Variants in UCHL5 observed in about 807,000 individuals in gnomAD.
The protein encoded by UCHL5 is ubiquitin carboxyl-terminal hydrolase isozyme L5.
A neutral mutation model predicts 53.8 loss-of-function variants in UCHL5; 34 were observed. That is an observed-to-expected ratio of 0.63 (90% CI 0.48 to 0.84). UCHL5 has a LOEUF of 0.84. UCHL5 is among the 40% of genes least tolerant of loss of function. UCHL5 has a pLI of 0.00. For missense variants in UCHL5, 290 were observed against 385.6 expected (o/e 0.75, Z 2.08); for synonymous variants, 111 against 126.3 (o/e 0.88, Z 0.81).
At chr1:193,025,220 T>C (rs1658714418) in intron 7 of UCHL5, among the ~76,000 whole-genome samples, 1 of 152,224 alleles carries the variant, frequency 6.6e-6, no homozygotes, top group African/African-American at 2.4e-5. Flanking sequence ...AGAAAACTTT[T>C]AGACAATAAT....
intron 3 of UCHL5, among the ~76,000 whole-genome samples, chr1:193,033,188 T>C (rs1327911502): frequency 6.6e-6 from 1 of 152,166 alleles, no homozygotes; most frequent in Non-Finnish European, 1.5e-5. Flanking sequence ...CATGGAATAC[T>C]ATGTGGCCAT....
intron 7 of UCHL5, chr1:193,027,822 C>T (rs1659881729): frequency 9.4e-7 from 1 of 1,061,388 alleles, no homozygotes; most frequent in Non-Finnish European, 1.3e-6. Context: ...TGCATTAACC[C>T]AATCAAAAGT....
At chr1:193,045,040 TTC>T (rs1666916052) in intron 3 of UCHL5, among the ~76,000 whole-genome samples, 1 of 152,218 alleles carries the variant, frequency 6.6e-6, no homozygotes, top group Non-Finnish European at 1.5e-5. Flanking sequence ...TATCATTTTT[TTC>T]TTTCTTTATA....
intron 1 of UCHL5, among the ~76,000 whole-genome samples, chr1:193,058,813 G>C (rs1671716397): frequency 6.6e-6 from 1 of 152,230 alleles, no homozygotes; most frequent in Non-Finnish European, 1.5e-5. Flanking sequence ...CAATGCACTT[G>C]ACCTCACCAG....
At position 193,034,323 on chromosome 1, in the gene UCHL5, C is replaced by T. The variant is rs758837634; in HGVS notation, c.247-4666G>A. 2.7e-4 allele frequency among the ~76,000 whole-genome samples: 41 copies of T among 151,142 alleles called. No individual in the cohort carries two copies. In the South Asian group the frequency reaches 4.2e-3, roughly 15 times the overall value. On this transcript the variant is annotated intron_variant, in intron 3 of 10. Coordinates refer to ENST00000367454, the MANE Select transcript of UCHL5 (RefSeq NM_001199261.3). ...AGAATAAAAGAATATTAATAACAAC[C>T]GTATGAAATGATTTTGAAAATTTAA...
At chr1:193,043,151 T>TAAAAAAAAAAAAAAAAAAAAAAA (rs200951342) in intron 3 of UCHL5, among the ~76,000 whole-genome samples, 6 of 36,368 alleles carry the variant, frequency 1.6e-4, no homozygotes, top group African/African-American at 5.0e-4. Flanking sequence ...TCTTGAATAT[T>TAAAAAAAAAAAAAAAAAAAAAAA]AAAAAAAAAA....
At chr1:193,017,881 A>G (rs1290723875) in intron 10 of UCHL5, among the ~76,000 whole-genome samples, 1 of 151,492 alleles carries the variant, frequency 6.6e-6, no homozygotes, top group Non-Finnish European at 1.5e-5. Flanking sequence ...GTTATAAGAA[A>G]GTAAATAGTG....
rs1654680972 is a variant in UCHL5, at chr1:193,014,930, G to A, written c.*1421C>T. ...ATATATAAATTAAGCTGAAATAAAC[G>A]AATGAGATCAAGATGAGCCTTCCTT... is the stretch of plus-strand genomic sequence containing the variant. On this transcript the variant is annotated 3_prime_UTR_variant, in exon 11 of 11. Coordinates refer to ENST00000367454, the MANE Select transcript of UCHL5 (RefSeq NM_001199261.3). The A allele has an allele frequency of 6.6e-6, 1 of 151,878 alleles. No individual in the cohort carries two copies. The highest frequency in any genetic ancestry group is 2.1e-4 in the South Asian group (1 of 4,828). 9.4% of individuals were successfully genotyped at this position (151,878 alleles called of 1,614,324 possible).
chr1:193,037,890 T>TAAAAAAAAAA lies in UCHL5; in HGVS notation c.247-8243_247-8234dup, dbSNP rs71111446. 3.4e-5 allele frequency among the ~76,000 whole-genome samples: 4 copies of TAAAAAAAAAA among 118,838 alleles called. 1 individual carries two copies. Among genetic ancestry groups the TAAAAAAAAAA allele is most frequent in the Admixed American group, 9.1e-5 (1 of 10,998 alleles). The allele number at this position is 118,838 out of a possible 152,430, so 78.0% of individuals were successfully genotyped here. On this transcript the variant is annotated intron_variant, in intron 3 of 10. Coordinates refer to ENST00000367454, the MANE Select transcript of UCHL5 (RefSeq NM_001199261.3). ...ACATGTACCCTAGAACTTAAAGTAT[T>TAAAAAAAAAA]AAAAAAAAAAAAAAAAAAAAGGTCA...
chr1:193,041,235 T>A (rs1400457011), intron 3 of UCHL5, among the ~76,000 whole-genome samples: 2 of 152,194 alleles, frequency 1.3e-5, no homozygotes, highest in African/African-American at 4.8e-5. Context: ...GGTATTAAAT[T>A]ATCACATGTA....
chr1:193,042,037 T>C (rs1411858215), intron 3 of UCHL5, among the ~76,000 whole-genome samples: 3 of 151,476 alleles, frequency 2.0e-5, no homozygotes, highest in Non-Finnish European at 4.4e-5. Flanking sequence ...AGGCAGGAGG[T>C]TGAGGCTACA....
At chr1:193,036,317 C>CAAAAAAAAAAAA (rs960496083) in intron 3 of UCHL5, among the ~76,000 whole-genome samples, 13 of 50,796 alleles carry the variant, frequency 2.6e-4, no homozygotes, top group Admixed American at 5.2e-4. Flanking sequence ...AACTGGAAAC[C>CAAAAAAAAAAAA]AAAAAAAAAA....
intron 10 of UCHL5, chr1:193,020,428 T>C: frequency 6.5e-7 from 1 of 1,545,376 alleles, no homozygotes; most frequent in Non-Finnish European, 8.7e-7. Flanking sequence ...GGGAACTTAT[T>C]AAAGAATCCT....
intron 3 of UCHL5, among the ~76,000 whole-genome samples, chr1:193,032,854 G>A (rs1397913492): frequency 2.0e-5 from 3 of 152,122 alleles, no homozygotes; most frequent in African/African-American, 7.2e-5. Context: ...TTAGAATGGC[G>A]ATCATTAAAA....
intron 3 of UCHL5, among the ~76,000 whole-genome samples, chr1:193,043,166 A>AAAAAAAAC (rs1666236172): frequency 6.7e-6 from 1 of 148,326 alleles, no homozygotes; most frequent in Non-Finnish European, 1.5e-5. Context: ...AAAAAAAAAA[A>AAAAAAAAC]AAAAAAAAAA....
At chr1:193,059,988 G>T (rs1480723906), upstream of UCHL5, 8 of 1,365,992 alleles carry the variant, frequency 5.9e-6, no homozygotes, top group Non-Finnish European at 7.8e-6. The surrounding 1 kb of genome is among the most constrained non-coding windows in gnomAD (Gnocchi z 4.9). Flanking sequence ...CGCTAGGCCC[G>T]GCCGGACCAT....
In UCHL5 at chr1:193,023,070, T is replaced by C. The variant is rs72738591; in HGVS notation, c.733-34A>G. On this transcript the variant is annotated intron_variant, in intron 8 of 10. Coordinates refer to ENST00000367454, the MANE Select transcript of UCHL5 (RefSeq NM_001199261.3). ...GGGAAGGAAAAGAAATAGCACACCCTAATAATTGAGGCTTACATTCAGAAT... is the reference window on the plus strand; with the variant it reads ...GGGAAGGAAAAGAAATAGCACACCCCAATAATTGAGGCTTACATTCAGAAT... 1.7e-4 allele frequency: 245 copies of C among 1,406,886 alleles called. 1 individual carries two copies. The highest frequency in any genetic ancestry group is 2.2e-4 in the Non-Finnish European group (225 of 1,001,056). The allele number at this position is 1,406,886 out of a possible 1,614,324, so 87.2% of individuals were successfully genotyped here.
rs1435136817 is a variant in UCHL5 at position 193,012,571 on chromosome 1, C to T, written c.*3780G>A. On this transcript the variant is annotated 3_prime_UTR_variant, in exon 11 of 11. Coordinates refer to ENST00000367454, the MANE Select transcript of UCHL5 (RefSeq NM_001199261.3). Reference sequence around the variant, plus strand: ...TCTGCCTATATGCCTATATGCAATCCACTTGTACAGTGCTAGTTCAGTACT... The same window carrying T: ...TCTGCCTATATGCCTATATGCAATCTACTTGTACAGTGCTAGTTCAGTACT... The T allele has an allele frequency of 6.6e-6, 1 of 152,044 alleles. No homozygotes were observed. Among genetic ancestry groups the T allele is most frequent in the African/African-American group, 2.4e-5 (1 of 41,378 alleles). 9.4% of individuals were successfully genotyped at this position (152,044 alleles called of 1,614,324 possible).
chr1:193,029,576 T>C lies in UCHL5; in HGVS notation c.328A>G (p.Thr110Ala). ...GAAAATTCTTTAAACTCTGATAATG[T>C]CTCGCCTAAATGGACATCCTGGTGG... ...CTHQDVHLGE[T>A]LSEFKEFSQS... is the part of the protein sequence containing the mutation. The change falls in exon 4 of 11, where the codon ACA becomes GCA. Residue 110 changes from threonine (T) to alanine (A), a missense_variant. Transcript: ENST00000367454. The C allele has an allele frequency of 6.2e-7, 1 of 1,613,648 alleles. No homozygotes were observed. Among genetic ancestry groups the C allele is most frequent in the Admixed American group, 1.7e-5 (1 of 59,980 alleles).
Sources: allele counts gnomAD v4.1 joint callset (sites outside exome capture counted in the v4.1 genomes callset), GRCh38; gene constraint gnomAD v4.1.1; non-coding constraint Gnocchi (gnomAD v3.1); transcripts MANE v1.5; gene names NCBI Gene and HGNC (gene_info 2026-07-23, HGNC 2026-07-21).